TRIOBP: variants seen among roughly 807,000 people sequenced by gnomAD.
TRIOBP encodes the protein TRIO and F-actin-binding protein.
In TRIOBP, 169 loss-of-function variants were observed where a neutral mutation model predicts 238.8. The observed-to-expected ratio is 0.71, with a 90% CI of 0.62 to 0.80. The LOEUF is 0.80. Ranked by LOEUF, TRIOBP falls within the 30% of genes least tolerant of loss-of-function variation. The probability of loss-of-function intolerance (pLI) is 0.00; values close to 1 mark genes in which losing one functional copy is unlikely to be tolerated. For synonymous variants in TRIOBP, 1,150 were observed against 1,274.4 expected (o/e 0.90, Z 2.08); for missense variants, 2,838 against 3,122.6 (o/e 0.91, Z 2.17).
chr22:37,773,587 C>T (rs1926889290), intron 23 of TRIOBP, among the ~76,000 whole-genome samples, 196 bp from the exon 24 acceptor site: 1 of 152,152 alleles, frequency 6.6e-6, no homozygotes, highest in Non-Finnish European at 1.5e-5. Flanking sequence ...GATAAGTCCT[C>T]ATGGACTTCC....
At chr22:37,758,692 AAAG>A (rs60824855) in intron 16 of TRIOBP, among the ~76,000 whole-genome samples, 21 of 149,814 alleles carry the variant, frequency 1.4e-4, no homozygotes, top group East Asian at 5.8e-4. Context: ...TAAAAAAAAA[AAAG>A]AAGAAGAAGA....
rs1347320394 is a variant in TRIOBP at position 37,715,675 on chromosome 22, C to G, written c.457-88C>G. 4 of 1,483,992 alleles carry G rather than the reference C, an allele frequency of 2.7e-6. No homozygotes were observed. In the Admixed American group the frequency reaches 7.8e-5, roughly 29 times the overall value. 91.9% of individuals were successfully genotyped at this position (1,483,992 alleles called of 1,614,324 possible). On this transcript the variant is annotated intron_variant, in intron 5 of 23. Coordinates refer to ENST00000644935, the MANE Select transcript of TRIOBP (RefSeq NM_001039141.3). ...TGCTTTTTAATGCCAATTCCCTTCCCTTCCTTCTGCCCCTCTCATTTGGAG... is the reference window on the plus strand; with the variant it reads ...TGCTTTTTAATGCCAATTCCCTTCCGTTCCTTCTGCCCCTCTCATTTGGAG...
rs758269503 is a variant in TRIOBP, at chr22:37,754,911, C to T, written c.5414C>T (p.Ser1805Leu). 68 of 1,614,052 alleles carry T rather than the reference C, an allele frequency of 4.2e-5. No individual in the cohort carries two copies. Among genetic ancestry groups the T allele is most frequent in the Admixed American group, 1.3e-4 (8 of 60,008 alleles). ...PSPSLTTTST[S>L]QWKKHWFVLT... is the part of the protein sequence containing the mutation. ...CCCTCGCTCACCACCACCTCTACTT[C>T]GCAGTGGAAGAAACATTGGTTTGTG... Residue 1805 changes from serine (S) to leucine (L), a missense_variant, in exon 13 of 24, where the codon TCG (serine) becomes TTG (leucine). Transcript: ENST00000644935.
intron 6 of TRIOBP, among the ~76,000 whole-genome samples, chr22:37,719,991 C>T (rs1442831110): frequency 2.8e-5 from 1 of 35,722 alleles, no homozygotes. Context: ...TCACTCATCC[C>T]CCCCCGCCCT....
intron 3 of TRIOBP, among the ~76,000 whole-genome samples, chr22:37,702,255 A>G (rs931672730): frequency 2.0e-5 from 3 of 151,942 alleles, no homozygotes; most frequent in Non-Finnish European, 4.4e-5. Context: ...CTAGAGTGCA[A>G]TGGCAATGGT....
chr22:37,739,202 C>T (rs1053248587), intron 10 of TRIOBP, among the ~76,000 whole-genome samples: 1 of 152,070 alleles, frequency 6.6e-6, no homozygotes, highest in African/African-American at 2.4e-5. Flanking sequence ...TGCTCTGAGG[C>T]CTGGCTGCAG....
intron 21 of TRIOBP, 67 bp downstream of exon 21, chr22:37,769,442 G>T: frequency 1.4e-6 from 2 of 1,433,542 alleles, no homozygotes. Context: ...GGGCACCCCC[G>T]CCATAGGCTG....
intron 3 of TRIOBP, among the ~76,000 whole-genome samples, chr22:37,702,204 T>A (rs976425853): frequency 6.6e-6 from 1 of 152,086 alleles, no homozygotes; most frequent in African/African-American, 2.4e-5. Flanking sequence ...TTCTTTTTCT[T>A]TTTCTTTTTT....
intron 21 of TRIOBP, 59 bp downstream of exon 21, chr22:37,769,434 G>A (rs950586242): frequency 2.7e-6 from 4 of 1,476,098 alleles, no homozygotes; most frequent in Non-Finnish European, 3.7e-6. Context: ...GGGCTATGGG[G>A]CACCCCCGCC....
Position 37,755,163 on chromosome 22 carries a change from G to T in TRIOBP, c.5550G>T (p.Val1850=). 1 of 1,613,126 alleles carries T rather than the reference G, an allele frequency of 6.2e-7. No homozygotes were observed. The change falls in exon 14 of 24, where the codon GTG becomes GTT. Residue 1850 remains valine, a synonymous_variant. Coordinates refer to ENST00000644935, the MANE Select transcript of TRIOBP (RefSeq NM_001039141.3). ...GCACGGATGTCACTGAGTACGCGGT[G>T]CAGCGCAACTATGGCTTCCAGATCC... is the stretch of plus-strand genomic sequence containing the variant. ...RSCTDVTEYA[V]QRNYGFQIHT...
chr22:37,717,042 G>A (rs903230672), intron 6 of TRIOBP, among the ~76,000 whole-genome samples: 7 of 152,228 alleles, frequency 4.6e-5, no homozygotes, highest in African/African-American at 1.4e-4. Flanking sequence ...CGATATTACA[G>A]TTCTTAAAGG....
Position 37,747,791 on chromosome 22 carries a change from C to T in TRIOBP, c.5323-3981C>T, listed in dbSNP as rs147270795. ...AACAGATGAGGAAACCAAGGTGTGG[C>T]GAGGTGAAGTGTCATGCCCCAGGTA... On this transcript the variant is annotated intron_variant, in intron 11 of 23. Transcript: ENST00000644935. Among the ~76,000 whole-genome samples, 758 of 152,282 alleles carry T rather than the reference C, an allele frequency of 5.0e-3. 11 individuals are homozygous for T. Among genetic ancestry groups the T allele is most frequent in the African/African-American group, 0.017 (724 of 41,558 alleles).
intron 6 of TRIOBP, among the ~76,000 whole-genome samples, chr22:37,719,098 G>A (rs183097454): frequency 6.6e-6 from 1 of 150,570 alleles, no homozygotes; most frequent in Non-Finnish European, 1.5e-5. Context: ...AGTTACTCGG[G>A]ATGCTGAGGC....
chr22:37,771,785 T>A (rs1926789172), intron 22 of TRIOBP, 49 bp downstream of exon 22: 1 of 1,559,796 alleles, frequency 6.4e-7, no homozygotes. Flanking sequence ...TGGAGCCATC[T>A]GGATGCCATC....
At chr22:37,755,255 TTTGGTG>T in intron 14 of TRIOBP, 65 bp downstream of exon 14, 1 of 1,523,126 alleles carries the variant, frequency 6.6e-7, no homozygotes, top group Non-Finnish European at 8.9e-7. Context: ...TGGGGGAGGT[TTTGGTG>T]TTGAACATGG....
At chr22:37,739,613 C>T (rs1273593243) in intron 10 of TRIOBP, among the ~76,000 whole-genome samples, 1 of 152,204 alleles carries the variant, frequency 6.6e-6, no homozygotes, top group African/African-American at 2.4e-5. Context: ...TCTGCACCTC[C>T]ACCTGGCACC....
intron 7 of TRIOBP, 68 bp from the exon 8 acceptor site, chr22:37,733,230 G>A: frequency 8.0e-7 from 1 of 1,245,644 alleles, no homozygotes; most frequent in Admixed American, 2.0e-5. Context: ...TGTTGGAGGT[G>A]GGAGCAGAGG....
At chr22:37,701,572 C>A in intron 3 of TRIOBP, 93 bp downstream of exon 3, 1 of 891,162 alleles carries the variant, frequency 1.1e-6, no homozygotes, top group Non-Finnish European at 1.8e-6. Context: ...CAGTTGAACC[C>A]AGATGCTGGA....
chr22:37,757,513 CCCTGGCACAGGG>C (rs1172218336), intron 15 of TRIOBP, 88 bp from the exon 16 acceptor site: 33 of 1,491,794 alleles, frequency 2.2e-5, no homozygotes, highest in Middle Eastern at 1.7e-4. Context: ...TGTCTCCAGC[CCCTGGCACAGGG>C]CCTGGCACAC....
Sources: gnomAD v4.1 joint callset for allele counts (sites outside exome capture counted in the v4.1 genomes callset) on GRCh38, gnomAD v4.1.1 for gene constraint, MANE v1.5 for transcripts, NCBI Gene and HGNC (gene_info 2026-07-23, HGNC 2026-07-21) for gene names.